Variants in POLR3G observed in about 807,000 individuals in gnomAD.
POLR3G encodes RNA polymerase III subunit G.
In POLR3G, 28 loss-of-function variants were observed where a neutral mutation model predicts 30.1. That is an observed-to-expected ratio of 0.93 (90% CI 0.69 to 1.27). POLR3G has a LOEUF of 1.27. Ranked by LOEUF, POLR3G falls within the 50% of genes most tolerant of loss-of-function variation. The probability of loss-of-function intolerance (pLI) is 0.00; values close to 1 mark genes in which losing one functional copy is unlikely to be tolerated. For synonymous variants in POLR3G, 79 were observed against 82.5 expected, an observed-to-expected ratio of 0.96 and a Z score of 0.23; for missense variants, 254 against 264.6, an observed-to-expected ratio of 0.96 and a Z score of 0.28.
intron 3 of POLR3G, among the ~76,000 whole-genome samples, chr5:90,493,393 T>G (rs1751828109): frequency 6.6e-6 from 1 of 151,838 alleles, no homozygotes; most frequent in Non-Finnish European, 1.5e-5. Context: ...ACCACTGGCA[T>G]GAGCTACCAT....
chr5:90,493,919 C>T (rs373362359), intron 3 of POLR3G, among the ~76,000 whole-genome samples: 13 of 151,364 alleles, frequency 8.6e-5, no homozygotes, highest in East Asian at 1.9e-4. Flanking sequence ...CATGTTGGCC[C>T]GGCTGGTCTT....
At chr5:90,485,733 A>G in intron 2 of POLR3G, 49 bp downstream of exon 2, 1 of 1,354,006 alleles carries the variant, frequency 7.4e-7, no homozygotes, top group Non-Finnish European at 1.0e-6. Flanking sequence ...TTCATTTTTC[A>G]GAGAATATTA....
intron 1 of POLR3G, among the ~76,000 whole-genome samples, chr5:90,481,676 A>G (rs1004843998): frequency 6.6e-6 from 1 of 152,208 alleles, no homozygotes; most frequent in Non-Finnish European, 1.5e-5. Context: ...AGAAAAAAAA[A>G]TGGGAAAACC....
At chr5:90,481,751 G>C (rs1408208038) in intron 1 of POLR3G, among the ~76,000 whole-genome samples, 1 of 152,142 alleles carries the variant, frequency 6.6e-6, no homozygotes, top group Admixed American at 6.5e-5. Context: ...CAAATTAACT[G>C]TAAAAACATT....
At chr5:90,485,781 C>T (rs1019371738) in intron 2 of POLR3G, 97 bp downstream of exon 2, 11 of 755,354 alleles carry the variant, frequency 1.5e-5, no homozygotes, top group African/African-American at 1.4e-4. Flanking sequence ...TTATAGCATC[C>T]TCAAGTATAA....
chr5:90,501,591 A>G (rs553106385), intron 5 of POLR3G, among the ~76,000 whole-genome samples: 17 of 152,274 alleles, frequency 1.1e-4, no homozygotes, highest in Admixed American at 1.0e-3. Context: ...GTACTTCTCT[A>G]TCTGAGGCAA....
intron 1 of POLR3G, among the ~76,000 whole-genome samples, chr5:90,476,443 A>G (rs1750822878): frequency 6.6e-6 from 1 of 152,240 alleles, no homozygotes; most frequent in African/African-American, 2.4e-5. Flanking sequence ...TAGATTCAGT[A>G]AGAATACAGG....
intron 6 of POLR3G, among the ~76,000 whole-genome samples, chr5:90,503,336 C>T (rs1410240516): frequency 6.6e-6 from 1 of 152,164 alleles, no homozygotes; most frequent in Admixed American, 6.5e-5. Context: ...TTGACCAGTA[C>T]TGGAGTTAGA....
rs1195463228 is a variant in POLR3G, at chr5:90,513,774, AT to A, written c.*1639del. ...CTTGTTTAAAGGAAGTTGTCAAAAA[AT>A]TTTAAGATTCTAAATGGAATACACG... On this transcript the variant is annotated 3_prime_UTR_variant, in exon 8 of 8. Transcript: ENST00000651687. The A allele has an allele frequency of 5.3e-5, 8 of 152,228 alleles. No homozygotes were observed. The highest frequency in any genetic ancestry group is 1.2e-4 in the African/African-American group (5 of 41,462). 9.4% of individuals were successfully genotyped at this position (152,228 alleles called of 1,614,324 possible).
intron 7 of POLR3G, among the ~76,000 whole-genome samples, chr5:90,511,293 C>T (rs1752728760): frequency 6.6e-6 from 1 of 152,020 alleles, no homozygotes; most frequent in Admixed American, 6.6e-5. Context: ...TTAATTTCAT[C>T]AAATATCTGG....
At position 90,513,585 on chromosome 5, in the gene POLR3G, C is replaced by T. The variant is rs1248229353; in HGVS notation, c.*1446C>T. The T allele has an allele frequency of 6.6e-6, 1 of 152,324 alleles. No individual in the cohort carries two copies. The highest frequency in any genetic ancestry group is 1.5e-5 in the Non-Finnish European group (1 of 68,002). The allele number at this position is 152,324 out of a possible 1,614,324, so 9.4% of individuals were successfully genotyped here. ...TAATCTGATTTTCCTATCTTGTATT[C>T]ATGCAGAAAATTGGAGAAAATGTGT... On this transcript the variant is annotated 3_prime_UTR_variant, in exon 8 of 8. Coordinates refer to ENST00000651687, the MANE Select transcript of POLR3G (RefSeq NM_006467.3).
At chr5:90,489,356 C>T (rs1336084062) in intron 3 of POLR3G, among the ~76,000 whole-genome samples, 1 of 150,600 alleles carries the variant, frequency 6.6e-6, no homozygotes, top group Non-Finnish European at 1.5e-5. Flanking sequence ...ACCTCCGCTT[C>T]CTGGGTTCAA....
intron 3 of POLR3G, among the ~76,000 whole-genome samples, chr5:90,494,556 T>G (rs1286936797): frequency 6.7e-6 from 1 of 149,698 alleles, no homozygotes; most frequent in Non-Finnish European, 1.5e-5. Flanking sequence ...CCAACATTTC[T>G]TATTTTTTTT....
chr5:90,485,248 T>TC (rs1751378910), intron 1 of POLR3G, among the ~76,000 whole-genome samples: 1 of 152,208 alleles, frequency 6.6e-6, no homozygotes, highest in Admixed American at 6.5e-5. Context: ...ACATCTGAGA[T>TC]CCTACTGCCA....
chr5:90,479,833 A>G (rs556358414), intron 1 of POLR3G, among the ~76,000 whole-genome samples: 12 of 152,298 alleles, frequency 7.9e-5, no homozygotes, highest in African/African-American at 2.9e-4. Flanking sequence ...CTCTGAGTAA[A>G]TAGGGAGTTT....
chr5:90,509,821 G>A (rs182021394), intron 7 of POLR3G, among the ~76,000 whole-genome samples: 109 of 152,306 alleles, frequency 7.2e-4, no homozygotes, highest in Non-Finnish European at 1.3e-3. Flanking sequence ...GGTCATTAAG[G>A]ACTTTGAATG....
intron 4 of POLR3G, among the ~76,000 whole-genome samples, chr5:90,496,286 C>G (rs996116394): frequency 6.6e-5 from 10 of 152,108 alleles, no homozygotes; most frequent in South Asian, 6.2e-4. Context: ...ACATTTTTTA[C>G]AAAAATAGGA....
rs375437783 is a variant in POLR3G, at chr5:90,506,520, T to C, written c.439-8T>C. 6.0e-5 allele frequency: 97 copies of C among 1,611,340 alleles called. No individual in the cohort carries two copies. The African/African-American group carries it at 1.2e-3, about 20-fold the overall frequency. On this transcript the variant is annotated splice_polypyrimidine_tract_variant and splice_region_variant and intron_variant, in intron 6 of 7. Transcript: ENST00000651687. ...TCCATACAAATTAATGAAACTCACT[T>C]ATACCAGGAATTGGAAAAAAGAGGT... is the stretch of plus-strand genomic sequence containing the variant.
At chr5:90,494,372 T>C (rs747130320) in intron 3 of POLR3G, among the ~76,000 whole-genome samples, 57 of 152,244 alleles carry the variant, frequency 3.7e-4, no homozygotes, top group Non-Finnish European at 6.0e-4. Context: ...TAAACATTCA[T>C]GTACATGTTT....
Sources: gnomAD v4.1 joint callset for allele counts (sites outside exome capture counted in the v4.1 genomes callset) on GRCh38, gnomAD v4.1.1 for gene constraint, MANE v1.5 for transcripts, NCBI Gene and HGNC (gene_info 2026-07-23, HGNC 2026-07-21) for gene names.